WWP2: variants seen among roughly 807,000 people sequenced by gnomAD.
WWP2 encodes the protein NEDD4-like E3 ubiquitin-protein ligase WWP2.
In WWP2, 57 loss-of-function variants were observed where a neutral mutation model predicts 121.0. That is an observed-to-expected ratio of 0.47 (90% confidence interval 0.38 to 0.59). The LOEUF (loss-of-function observed/expected upper bound fraction) is 0.59, where lower values mean the gene tolerates loss of function less well. Among genes scored for constraint, WWP2 ranks in the 20% least tolerant of loss-of-function variants. The pLI is 0.00. For missense variants in WWP2, 962 were observed against 1,158.9 expected, an observed-to-expected ratio of 0.83 and a Z score of 2.47; for synonymous variants, 449 against 441.3, an observed-to-expected ratio of 1.02 and a Z score of -0.22.
chr16:69,797,154 G>C (rs965417621), intron 2 of WWP2, among the ~76,000 whole-genome samples: 1 of 152,168 alleles, frequency 6.6e-6, no homozygotes, highest in African/African-American at 2.4e-5. Context: ...TAGCTCCTCG[G>C]TGTGATGCTT....
At chr16:69,852,575 A>G (rs769964887) in intron 6 of WWP2, among the ~76,000 whole-genome samples, 18 of 152,192 alleles carry the variant, frequency 1.2e-4, no homozygotes, top group Non-Finnish European at 2.1e-4. Flanking sequence ...TGCCCGGCCT[A>G]TGATATGGAG....
intron 7 of WWP2, among the ~76,000 whole-genome samples, chr16:69,882,872 A>T (rs60683406): frequency 0.039 from 5,978 of 152,160 alleles, 329 homozygotes; most frequent in African/African-American, 0.13. Context: ...AATACAGCAG[A>T]CCGGGTGCGG....
intron 7 of WWP2, among the ~76,000 whole-genome samples, chr16:69,877,379 T>C (rs1412482318): frequency 1.3e-5 from 2 of 152,230 alleles, no homozygotes; most frequent in Non-Finnish European, 2.9e-5. Flanking sequence ...TGAAGAGGGT[T>C]CGGGTCTTGC....
chr16:69,841,134 A>G (rs1231878510), intron 5 of WWP2, among the ~76,000 whole-genome samples: 1 of 152,254 alleles, frequency 6.6e-6, no homozygotes, highest in Non-Finnish European at 1.5e-5. Context: ...CCCTAGCCAG[A>G]TGGCAGTGGG....
chr16:69,889,877 C>G (rs932297586), intron 8 of WWP2, among the ~76,000 whole-genome samples: 1 of 152,196 alleles, frequency 6.6e-6, no homozygotes, highest in Admixed American at 6.5e-5. Flanking sequence ...AGGCCTCTTA[C>G]TTGACTACAA....
Position 69,937,652 on chromosome 16 carries a change from G to C in WWP2, c.2343G>C (p.Gln781His). 1 of 1,613,930 alleles carries C rather than the reference G, an allele frequency of 6.2e-7. No homozygotes were observed. Among genetic ancestry groups the C allele is most frequent in the Middle Eastern group, 1.6e-4 (1 of 6,062 alleles). The change falls in exon 21 of 24, where the codon CAG becomes CAC. Residue 781 changes from glutamine (Q) to histidine (H), a missense_variant and splice_region_variant. Physicochemically the swap from Gln to His is conservative, Grantham distance 24 (BLOSUM62 0). Around this residue, in one of 3 missense-constraint regions of WWP2, gnomAD observed 606 missense variants for 772.6 expected, o/e 0.78. Transcript: ENST00000359154. This position sits in a 1 kb window ranked among gnomAD's most constrained non-coding sequence, Gnocchi z 6.6. ...KNSKQIQWFW[Q>H]VVKEMDNEKR... ...GCAAGCAGATCCAGTGGTTCTGGCA[G>C]GTGGGTCCCGGGCCCAGGCCTTGGC...
At chr16:69,860,490 G>A (rs1293523807) in intron 6 of WWP2, among the ~76,000 whole-genome samples, 1 of 152,206 alleles carries the variant, frequency 6.6e-6, no homozygotes, top group East Asian at 1.9e-4. Flanking sequence ...ACTGTAGCCT[G>A]GGAGATGAGG....
At chr16:69,908,336 G>C (rs2058328444) in intron 8 of WWP2, among the ~76,000 whole-genome samples, 1 of 152,070 alleles carries the variant, frequency 6.6e-6, no homozygotes, top group Non-Finnish European at 1.5e-5. Flanking sequence ...CTTGTGGAGG[G>C]GTCTATGAAA....
intron 7 of WWP2, among the ~76,000 whole-genome samples, chr16:69,880,989 T>C (rs1226477503): frequency 6.6e-6 from 1 of 152,190 alleles, no homozygotes; most frequent in East Asian, 1.9e-4. Flanking sequence ...TGATCTTTTT[T>C]TTGGCTAACT....
rs939588067 is a variant in WWP2, at chr16:69,840,215, C to G, written c.430C>G (p.Pro144Ala). ...GGELTIFLDG[P>A]TVDLGNVPNG... ...AGAGCTGACAATTTTCCTGGACGGGCCAACTGTTGATCTGGGAAATGTGCC... is the reference window on the plus strand; with the variant it reads ...AGAGCTGACAATTTTCCTGGACGGGGCAACTGTTGATCTGGGAAATGTGCC... The change falls in exon 5 of 24, where the codon CCA (proline) becomes GCA (alanine). Residue 144 changes from proline (P) to alanine (A), a missense_variant. Around this residue, in one of 3 missense-constraint regions of WWP2, gnomAD observed 145 missense variants for 189.8 expected, o/e 0.76. Transcript: ENST00000359154. 1.9e-6 allele frequency: 3 copies of G among 1,614,124 alleles called. No homozygotes were observed. The highest frequency in any genetic ancestry group is 2.5e-6 in the Non-Finnish European group (3 of 1,180,066).
intron 2 of WWP2, among the ~76,000 whole-genome samples, chr16:69,794,820 A>G (rs1225951797): frequency 6.6e-6 from 1 of 152,240 alleles, no homozygotes; most frequent in African/African-American, 2.4e-5. Flanking sequence ...GCCATGGAAA[A>G]GAAGGGAGGA....
At chr16:69,804,118 AC>A (rs2056228013) in intron 4 of WWP2, among the ~76,000 whole-genome samples, 1 of 152,172 alleles carries the variant, frequency 6.6e-6, no homozygotes, top group Non-Finnish European at 1.5e-5. Context: ...TCTTCGTCTT[AC>A]CATTTGTAAA....
At chr16:69,807,900 A>G (rs1312032142) in intron 4 of WWP2, among the ~76,000 whole-genome samples, 1 of 151,348 alleles carries the variant, frequency 6.6e-6, no homozygotes, top group African/African-American at 2.4e-5. Context: ...TAGAGGCTGC[A>G]GTAAGCTGTA....
At chr16:69,780,133 G>A (rs1454239721) in intron 1 of WWP2, among the ~76,000 whole-genome samples, 1 of 152,156 alleles carries the variant, frequency 6.6e-6, no homozygotes, top group Non-Finnish European at 1.5e-5. Context: ...AACTTGGTGT[G>A]GTTCCTTCCC....
At chr16:69,906,027 A>G (rs1223942460) in intron 8 of WWP2, among the ~76,000 whole-genome samples, 2 of 148,942 alleles carry the variant, frequency 1.3e-5, no homozygotes. Flanking sequence ...CTTCTTTCTT[A>G]CCTTGAAAAC....
intron 7 of WWP2, among the ~76,000 whole-genome samples, chr16:69,886,401 G>A (rs946136457): frequency 1.3e-4 from 20 of 151,908 alleles, no homozygotes; most frequent in African/African-American, 4.6e-4. Context: ...TTGCTTTGGA[G>A]ATAGAGATGG....
intron 6 of WWP2, among the ~76,000 whole-genome samples, chr16:69,845,225 AC>A (rs2057048886): frequency 6.6e-6 from 1 of 152,104 alleles, no homozygotes; most frequent in Non-Finnish European, 1.5e-5. Context: ...AGGGCCTTAC[AC>A]AACGGGAGCA....
chr16:69,779,779 G>A (rs965834814), intron 1 of WWP2, among the ~76,000 whole-genome samples: 4 of 152,058 alleles, frequency 2.6e-5, no homozygotes, highest in African/African-American at 4.8e-5. Context: ...GATTTCCAGC[G>A]TTTAGTGCTT....
At chr16:69,887,738 C>A (rs1017513027) in intron 7 of WWP2, among the ~76,000 whole-genome samples, 5 of 152,060 alleles carry the variant, frequency 3.3e-5, no homozygotes, top group Non-Finnish European at 7.4e-5. Flanking sequence ...ATCTTTCCTG[C>A]TACTCTTTTG....
Sources: allele counts gnomAD v4.1 joint callset (sites outside exome capture counted in the v4.1 genomes callset), GRCh38; gene constraint gnomAD v4.1.1; regional missense constraint gnomAD v4.1.1; non-coding constraint Gnocchi (gnomAD v3.1); transcripts MANE v1.5; gene names NCBI Gene and HGNC (gene_info 2026-07-23, HGNC 2026-07-21).